The following TMEM135 variants were observed in gnomAD, a reference collection of about 807,000 sequenced individuals.
TMEM135 encodes peroxisomal membrane protein 52.
Under a neutral mutation model 60.3 loss-of-function variants are expected in TMEM135, and 30 were observed. That is an observed-to-expected ratio of 0.50 (90% CI 0.37 to 0.68). The LOEUF is 0.68. Among genes scored for constraint, TMEM135 ranks in the 30% least tolerant of loss-of-function variants. The pLI is 0.00. For missense variants in TMEM135, 468 were observed against 548.8 expected (o/e 0.85, Z 1.47); for synonymous variants, 190 against 186.7 (o/e 1.02, Z -0.14).
chr11:87,104,932 C>G (rs1857555234), intron 4 of TMEM135, among the ~76,000 whole-genome samples: 1 of 152,128 alleles, frequency 6.6e-6, no homozygotes, highest in Admixed American at 6.5e-5. Context: ...CCTAATTGCT[C>G]TGGTTAGGGC....
At chr11:87,170,579 C>T (rs572433) in intron 5 of TMEM135, among the ~76,000 whole-genome samples, 55,984 of 152,002 alleles carry the variant, frequency 0.37, 10,855 homozygotes, top group East Asian at 0.67. Flanking sequence ...TGCTGGAAGT[C>T]TACTCCAGAC....
intron 6 of TMEM135, among the ~76,000 whole-genome samples, chr11:87,245,368 C>T (rs182760733): frequency 0.3 from 17,125 of 56,418 alleles, 3,732 homozygotes; most frequent in Middle Eastern, 0.43. Flanking sequence ...CTGTTAGGTC[C>T]GCTTGGTGCA....
intron 1 of TMEM135, among the ~76,000 whole-genome samples, chr11:87,045,096 C>A (rs1242634886): frequency 6.6e-6 from 1 of 152,072 alleles, no homozygotes; most frequent in Non-Finnish European, 1.5e-5. Flanking sequence ...GTGGCGCGAT[C>A]TAGGCTTACT....
intron 4 of TMEM135, among the ~76,000 whole-genome samples, chr11:87,115,619 A>G (rs1182487402): frequency 6.6e-6 from 1 of 152,138 alleles, no homozygotes; most frequent in Non-Finnish European, 1.5e-5. Flanking sequence ...TTTTACATCT[A>G]GTTGATTTTA....
chr11:87,119,377 C>T (rs1457002051), intron 4 of TMEM135, among the ~76,000 whole-genome samples: 2 of 152,240 alleles, frequency 1.3e-5, no homozygotes, highest in Middle Eastern at 3.4e-3. Flanking sequence ...GTTTGCAGTT[C>T]GTGGCACCCC....
At chr11:87,229,269 C>T (rs983936299) in intron 5 of TMEM135, among the ~76,000 whole-genome samples, 1 of 151,828 alleles carries the variant, frequency 6.6e-6, no homozygotes, top group Non-Finnish European at 1.5e-5. Flanking sequence ...TCTAAAAGGC[C>T]ATTAACCCAA....
chr11:87,292,777 A>G (rs1200308924), intron 6 of TMEM135, among the ~76,000 whole-genome samples: 2 of 152,232 alleles, frequency 1.3e-5, no homozygotes, highest in Non-Finnish European at 2.9e-5. Context: ...CCATGCTAAG[A>G]CTTTATCAAT....
chr11:87,248,236 C>G (rs1941334186), intron 6 of TMEM135, among the ~76,000 whole-genome samples: 1 of 152,110 alleles, frequency 6.6e-6, no homozygotes, highest in Non-Finnish European at 1.5e-5. Flanking sequence ...ATTGCTGTTT[C>G]ATATTGTAGT....
In TMEM135 at chr11:87,323,322, G is replaced by C; in HGVS notation, c.*1989G>C. ...ACAATGATGAATGTATAGGTTGAGT[G>C]AATAACCAATTTGCAGTGGTGGATT... is the stretch of plus-strand genomic sequence containing the variant. On this transcript the variant is annotated 3_prime_UTR_variant, in exon 15 of 15. Transcript: ENST00000305494. The C allele has an allele frequency of 2.2e-6, 1 of 453,988 alleles. No homozygotes were observed. The highest frequency in any genetic ancestry group is 1.6e-5 in the South Asian group (1 of 64,468). 28.1% of individuals were successfully genotyped at this position (453,988 alleles called of 1,614,324 possible). A position where few individuals can be genotyped will look rare whatever the true frequency, so the allele number is the denominator to read the frequency against.
intron 9 of TMEM135, among the ~76,000 whole-genome samples, chr11:87,308,218 G>A (rs1383602200): frequency 1.3e-5 from 2 of 152,050 alleles, no homozygotes; most frequent in Non-Finnish European, 2.9e-5. Flanking sequence ...CAGATAACAG[G>A]CATTCAGCAA....
intron 5 of TMEM135, among the ~76,000 whole-genome samples, chr11:87,160,884 A>G (rs1436999477): frequency 6.6e-6 from 1 of 152,062 alleles, no homozygotes; most frequent in African/African-American, 2.4e-5. Flanking sequence ...TAAGCTGGAA[A>G]GGAGATCATT....
intron 6 of TMEM135, among the ~76,000 whole-genome samples, chr11:87,238,160 CTTTAT>C (rs765259518): frequency 6.6e-6 from 1 of 151,834 alleles, no homozygotes; most frequent in African/African-American, 2.4e-5. Flanking sequence ...TATTGATTTG[CTTTAT>C]TTTGAGTATA....
At chr11:87,090,977 T>A (rs1012354650) in intron 3 of TMEM135, among the ~76,000 whole-genome samples, 9 of 152,220 alleles carry the variant, frequency 5.9e-5, no homozygotes, top group Non-Finnish European at 1.3e-4. Context: ...TTGGTCAGAA[T>A]TGTTCTTTAC....
At position 87,318,128 on chromosome 11, in the gene TMEM135, G is replaced by C. The variant is rs746665055; in HGVS notation, c.1078-9G>C. ...TCTTTATAACTCTTGTCTTATGCTT[G>C]TTTTGCAGACAATGTATTTCAAAGG... On this transcript the variant is annotated splice_polypyrimidine_tract_variant and intron_variant, in intron 12 of 14. Coordinates refer to ENST00000305494, the MANE Select transcript of TMEM135 (RefSeq NM_022918.4). The C allele has an allele frequency of 6.2e-7, 1 of 1,607,216 alleles. No homozygotes were observed. The highest frequency in any genetic ancestry group is 1.1e-5 in the South Asian group (1 of 90,964).
chr11:87,286,339 T>G (rs1180753328), intron 6 of TMEM135, among the ~76,000 whole-genome samples: 1 of 152,070 alleles, frequency 6.6e-6, no homozygotes, highest in African/African-American at 2.4e-5. Context: ...AGAGTGCTGA[T>G]TGGTGCATCC....
At chr11:87,183,450 A>T (rs925268171) in intron 5 of TMEM135, among the ~76,000 whole-genome samples, 7 of 151,846 alleles carry the variant, frequency 4.6e-5, no homozygotes, top group African/African-American at 7.3e-5. Flanking sequence ...TATCACTAAA[A>T]TTTTTTTGTT....
chr11:87,227,398 T>C (rs1940787961), intron 5 of TMEM135, among the ~76,000 whole-genome samples: 2 of 152,100 alleles, frequency 1.3e-5, no homozygotes, highest in South Asian at 4.1e-4. Flanking sequence ...GTTTACAGTC[T>C]TAACCTGGAG....
intron 1 of TMEM135, among the ~76,000 whole-genome samples, chr11:87,066,950 T>G (rs556781635): frequency 3.0e-4 from 45 of 151,496 alleles, no homozygotes; most frequent in Non-Finnish European, 5.5e-4. Context: ...CCGTCTCATT[T>G]TTTGTATTTT....
Position 87,327,997 on chromosome 11 carries a change from C to G in TMEM135, c.*6664C>G, listed in dbSNP as rs1249364801. 2 of 454,056 alleles carry G rather than the reference C, an allele frequency of 4.4e-6. No individual in the cohort carries two copies. Among genetic ancestry groups the G allele is most frequent in the Non-Finnish European group, 8.8e-6 (2 of 226,778 alleles). The allele number at this position is 454,056 out of a possible 1,614,324, so 28.1% of individuals were successfully genotyped here. On this transcript the variant is annotated 3_prime_UTR_variant, in exon 15 of 15. Coordinates refer to ENST00000305494, the MANE Select transcript of TMEM135 (RefSeq NM_022918.4). ...AGTCCACGCTAACTCACATGCCAATCTCCTCTGGAAACACCCTCACAGACA... is the reference window on the plus strand; with the variant it reads ...AGTCCACGCTAACTCACATGCCAATGTCCTCTGGAAACACCCTCACAGACA...
Sources: allele counts gnomAD v4.1 joint callset (sites outside exome capture counted in the v4.1 genomes callset), GRCh38; gene constraint gnomAD v4.1.1; transcripts MANE v1.5; gene names NCBI Gene and HGNC (gene_info 2026-07-23, HGNC 2026-07-21).